The following GRIK2 variants were observed in gnomAD, a reference collection of about 807,000 sequenced individuals.
The protein encoded by GRIK2 is glutamate ionotropic receptor kainate type subunit 2.
A neutral mutation model predicts 100.3 loss-of-function variants in GRIK2; 32 were observed. The ratio of observed to expected loss-of-function variants is 0.32; its 90% CI spans 0.24 to 0.43. The LOEUF is 0.43. Among genes scored for constraint, GRIK2 ranks in the 20% least tolerant of loss-of-function variants. The probability of loss-of-function intolerance (pLI) is 1.00; values close to 1 mark genes in which losing one functional copy is unlikely to be tolerated. For missense variants in GRIK2, 843 were observed against 1,114.9 expected (o/e 0.76, Z 3.47); for synonymous variants, 417 against 389.4 (o/e 1.07, Z -0.83).
intron 2 of GRIK2, among the ~76,000 whole-genome samples, chr6:101,427,125 A>G (rs1025986565): frequency 5.9e-5 from 9 of 152,310 alleles, no homozygotes; most frequent in Admixed American, 5.9e-4. Context: ...AGGTTGGGGC[A>G]GAAGCCAATT....
intron 7 of GRIK2, among the ~76,000 whole-genome samples, chr6:101,717,214 T>C (rs899365509): frequency 1.4e-4 from 21 of 151,552 alleles, no homozygotes; most frequent in Admixed American, 5.3e-4. Context: ...GAGCAAACAA[T>C]GAAAGCAGAG....
chr6:101,483,307 C>T (rs1229268930), intron 2 of GRIK2, among the ~76,000 whole-genome samples: 1 of 152,126 alleles, frequency 6.6e-6, no homozygotes, highest in Non-Finnish European at 1.5e-5. Context: ...TGCCATCTCT[C>T]ATAGTGATTT....
At chr6:101,951,460 G>A (rs6570999) in intron 14 of GRIK2, among the ~76,000 whole-genome samples, 132,214 of 152,230 alleles carry the variant, frequency 0.87, 57,471 homozygotes, top group East Asian at 0.94. Context: ...TGAGGATTCA[G>A]TATATGCGTG....
intron 7 of GRIK2, 74 bp downstream of exon 7, chr6:101,686,427 TATGCATAC>T: frequency 2.9e-6 from 3 of 1,025,114 alleles, no homozygotes; most frequent in Non-Finnish European, 4.4e-6. Flanking sequence ...TCTGGGTTTA[TATGCATAC>T]ATATAAACTT....
chr6:101,925,781 G>A (rs2791799), intron 13 of GRIK2, among the ~76,000 whole-genome samples: 3,056 of 151,856 alleles, frequency 0.02, 107 homozygotes, highest in African/African-American at 0.071. Context: ...CTGAAGAAGT[G>A]GAAATTTATG....
At chr6:101,833,533 A>C (rs1782842969) in intron 10 of GRIK2, among the ~76,000 whole-genome samples, 1 of 152,074 alleles carries the variant, frequency 6.6e-6, no homozygotes, top group South Asian at 2.1e-4. Flanking sequence ...TTCTTTTATT[A>C]TTCTTAACAA....
At chr6:102,030,537 A>T (rs1445908086) in intron 14 of GRIK2, among the ~76,000 whole-genome samples, 1 of 151,072 alleles carries the variant, frequency 6.6e-6, no homozygotes, top group Non-Finnish European at 1.5e-5. Flanking sequence ...ATAACCAAGA[A>T]ACTCTCTGTT....
chr6:101,801,333 C>T (rs1383791314), intron 8 of GRIK2, among the ~76,000 whole-genome samples: 1 of 151,968 alleles, frequency 6.6e-6, no homozygotes. Flanking sequence ...CCAGTGAACA[C>T]ATGTTTAACT....
intron 14 of GRIK2, among the ~76,000 whole-genome samples, chr6:101,946,987 T>C (rs992675588): frequency 3.3e-5 from 5 of 152,138 alleles, no homozygotes; most frequent in African/African-American, 4.8e-5. Flanking sequence ...CCTAGGACCT[T>C]GAGCAAAACG....
At chr6:101,889,155 C>G (rs371687219) in intron 11 of GRIK2, among the ~76,000 whole-genome samples, 1 of 151,992 alleles carries the variant, frequency 6.6e-6, no homozygotes, top group African/African-American at 2.4e-5. Context: ...AGACTAAAAT[C>G]TTTTAACTGT....
chr6:101,865,129 A>C (rs1005235774), intron 11 of GRIK2, among the ~76,000 whole-genome samples: 11 of 152,230 alleles, frequency 7.2e-5, no homozygotes, highest in Non-Finnish European at 1.5e-4. Flanking sequence ...AGGTTTTCTT[A>C]AAAAACCGGA....
intron 13 of GRIK2, chr6:101,928,117 T>C (rs1790028649): frequency 3.1e-6 from 1 of 318,036 alleles, no homozygotes; most frequent in South Asian, 4.9e-5. Flanking sequence ...TCTCTTCTAA[T>C]GCTATTTTTA....
intron 14 of GRIK2, among the ~76,000 whole-genome samples, chr6:102,016,669 C>T (rs995434574): frequency 1.1e-4 from 17 of 151,690 alleles, no homozygotes; most frequent in African/African-American, 3.9e-4. Flanking sequence ...CTCAAAGAGA[C>T]GGGGAGAATA....
At chr6:101,693,766 C>A (rs928511334) in intron 7 of GRIK2, among the ~76,000 whole-genome samples, 1 of 151,630 alleles carries the variant, frequency 6.6e-6, no homozygotes, top group East Asian at 1.9e-4. Context: ...CTTGTAGGAT[C>A]ATATGCATAT....
chr6:101,951,852 C>T (rs1791623057), intron 14 of GRIK2, among the ~76,000 whole-genome samples: 1 of 152,208 alleles, frequency 6.6e-6, no homozygotes, highest in Non-Finnish European at 1.5e-5. Context: ...TCCATTAAAC[C>T]TCTTTTTCTT....
At chr6:101,821,252 G>A (rs1044612326) in intron 10 of GRIK2, among the ~76,000 whole-genome samples, 2 of 152,192 alleles carry the variant, frequency 1.3e-5, no homozygotes, top group East Asian at 3.9e-4. Context: ...GAAGTGTTCA[G>A]ATATTGCTTC....
At chr6:101,931,126 T>C (rs773325932) in intron 14 of GRIK2, among the ~76,000 whole-genome samples, 25 of 152,258 alleles carry the variant, frequency 1.6e-4, no homozygotes, top group Non-Finnish European at 3.2e-4. Flanking sequence ...CTTAAAAGAT[T>C]CCAATTTCAA....
intron 2 of GRIK2, among the ~76,000 whole-genome samples, chr6:101,461,549 C>T (rs1771308817): frequency 6.6e-6 from 1 of 152,174 alleles, no homozygotes; most frequent in Non-Finnish European, 1.5e-5. Context: ...AAAAGTTCTT[C>T]ACTCTTAAGG....
rs1485292054 is a variant in GRIK2, at chr6:101,870,512, G to A, written c.1524+11019G>A. Among the ~76,000 whole-genome samples, 3 of 151,892 alleles carry A rather than the reference G, an allele frequency of 2.0e-5. 1 individual carries two copies. In the South Asian group the frequency reaches 6.2e-4, roughly 31 times the overall value. On this transcript the variant is annotated intron_variant, in intron 11 of 16. Transcript: ENST00000369134. ...GTCTTGTTTGAGGCAGGAATGATTT[G>A]ATTTTCTTGGTATCTTTCATAGCAC...
Sources: allele counts gnomAD v4.1 joint callset (sites outside exome capture counted in the v4.1 genomes callset), GRCh38; gene constraint gnomAD v4.1.1; transcripts MANE v1.5; gene names NCBI Gene and HGNC (gene_info 2026-07-23, HGNC 2026-07-21).